Variants in YAP1 observed in about 807,000 individuals in gnomAD.
The protein encoded by YAP1 is Yes1 associated transcriptional regulator.
A neutral mutation model predicts 56.9 loss-of-function variants in YAP1; 5 were observed. That is an observed-to-expected ratio of 0.09 (90% confidence interval 0.05 to 0.18). YAP1 has a LOEUF of 0.18. YAP1 is among the 10% of genes least tolerant of loss of function. The pLI is 1.00. For missense variants in YAP1, 539 were observed against 651.8 expected (o/e 0.83, Z 1.88); for synonymous variants, 265 against 248.1 (o/e 1.07, Z -0.64).
intron 2 of YAP1, among the ~76,000 whole-genome samples, chr11:102,119,286 A>G (rs1044297836): frequency 1.3e-5 from 2 of 152,162 alleles, no homozygotes; most frequent in Admixed American, 6.6e-5. Flanking sequence ...TAGATGTGAC[A>G]GAGTAAATAG....
At chr11:102,173,688 G>A (rs368007732) in intron 3 of YAP1, among the ~76,000 whole-genome samples, 33 of 152,196 alleles carry the variant, frequency 2.2e-4, no homozygotes, top group African/African-American at 7.2e-4. Flanking sequence ...AAGGTTAGAA[G>A]GCTAATAAAT....
intron 3 of YAP1, among the ~76,000 whole-genome samples, chr11:102,184,008 C>T (rs946720992): frequency 6.9e-6 from 1 of 144,342 alleles, no homozygotes; most frequent in Admixed American, 7.2e-5. Flanking sequence ...ACCCGGGAGG[C>T]GGAGCTTGCA....
intron 3 of YAP1, among the ~76,000 whole-genome samples, chr11:102,183,398 G>C (rs1947748296): frequency 6.6e-6 from 1 of 151,826 alleles, no homozygotes; most frequent in South Asian, 2.1e-4. Context: ...TCTTTAGTAA[G>C]AATGAATGAC....
At chr11:102,122,895 CAAAAAA>C (rs56934997) in intron 2 of YAP1, among the ~76,000 whole-genome samples, 2 of 79,446 alleles carry the variant, frequency 2.5e-5, no homozygotes, top group Non-Finnish European at 4.8e-5. Flanking sequence ...AGACTTCTCT[CAAAAAA>C]AAAAAAAAAA....
Position 102,110,814 on chromosome 11 carries a change from G to A in YAP1, c.-35G>A. On this transcript the variant is annotated 5_prime_UTR_variant, in exon 1 of 9. Coordinates refer to ENST00000282441, the MANE Select transcript of YAP1 (RefSeq NM_001130145.3). ...GTCCGGGCGTAGCCCTCGCTCGCCT[G>A]GGTCAGGGGGTGCGCGTCGGGGGAG... 7.5e-7 allele frequency: 1 copy of A among 1,336,152 alleles called. No individual in the cohort carries two copies. Among genetic ancestry groups the A allele is most frequent in the Non-Finnish European group, 9.5e-7 (1 of 1,048,062 alleles). The allele number at this position is 1,336,152 out of a possible 1,614,324, so 82.8% of individuals were successfully genotyped here.
chr11:102,131,008 C>G (rs1565438874), intron 2 of YAP1, among the ~76,000 whole-genome samples: 1 of 152,132 alleles, frequency 6.6e-6, no homozygotes, highest in Non-Finnish European at 1.5e-5. Flanking sequence ...AAACCATGCC[C>G]TCTTTGTACC....
chr11:102,229,756 A>G lies in YAP1; in HGVS notation c.1331A>G (p.Tyr444Cys), dbSNP rs1950372226. Residue 444 changes from tyrosine (Y) to cysteine (C), a missense_variant, in exon 9 of 9, where the codon TAC becomes TGC. Physicochemically the swap from Tyr to Cys is radical, Grantham distance 194. Around this residue, in one of 4 missense-constraint regions of YAP1, gnomAD observed 414 missense variants for 512.4 expected, o/e 0.81. Transcript: ENST00000282441. The part of the protein sequence containing the change: ...LPSQQNRFPD[Y>C]LEAIPGTNVD... ...TCACAGCAGAACCGTTTCCCAGACT[A>G]CCTTGAAGCCATTCCTGGGACAAAT... is the stretch of plus-strand genomic sequence containing the variant. 6.2e-7 allele frequency: 1 copy of G among 1,614,126 alleles called. No homozygotes were observed. Among genetic ancestry groups the G allele is most frequent in the East Asian group, 2.2e-5 (1 of 44,882 alleles).
chr11:102,112,425 C>CTTTTTTTTTTTTTTTTTTTTTTTTTTTTT (rs751339753), intron 1 of YAP1: 32 of 704,130 alleles, frequency 4.5e-5, no homozygotes, highest in East Asian at 3.1e-4. Context: ...ATTTCTTCTT[C>CTTTTTTTTTTTTTTTTTTTTTTTTTTTTT]TTTTTTTTTT....
chr11:102,198,994 G>A (rs1285747397), intron 4 of YAP1, among the ~76,000 whole-genome samples: 2 of 152,188 alleles, frequency 1.3e-5, no homozygotes, highest in Non-Finnish European at 2.9e-5. Flanking sequence ...AAAATAGGAG[G>A]AGGGAGAGAG....
At position 102,110,645 on chromosome 11, in the gene YAP1, G is replaced by A. The variant is rs1394352350; in HGVS notation, c.-204G>A. 1.3e-5 allele frequency: 4 copies of A among 300,770 alleles called. No individual in the cohort carries two copies. Among genetic ancestry groups the A allele is most frequent in the Non-Finnish European group, 2.2e-5 (4 of 179,616 alleles). The allele number at this position is 300,770 out of a possible 1,614,324, so 18.6% of individuals were successfully genotyped here. On this transcript the variant is annotated 5_prime_UTR_variant, in exon 1 of 9. Transcript: ENST00000282441. Reference sequence around the variant, plus strand: ...CCCGAGGCGCAGCCGCCAGACCAGTGGAGCCGGGGCGCAGGGCGGGGGCGG... The same window carrying A: ...CCCGAGGCGCAGCCGCCAGACCAGTAGAGCCGGGGCGCAGGGCGGGGGCGG...
At chr11:102,112,941 A>G (rs1372270348) in intron 1 of YAP1, among the ~76,000 whole-genome samples, 1 of 152,234 alleles carries the variant, frequency 6.6e-6, no homozygotes, top group Non-Finnish European at 1.5e-5. Flanking sequence ...AATAATTTTT[A>G]CAAGAATTTA....
Position 102,186,128 on chromosome 11 carries a change from T to A in YAP1, c.799T>A (p.Phe267Ile). 1 of 1,611,422 alleles carries A rather than the reference T, an allele frequency of 6.2e-7. No homozygotes were observed. Among genetic ancestry groups the A allele is most frequent in the South Asian group, 1.1e-5 (1 of 90,404 alleles). The change falls in exon 4 of 9, where the codon TTT (phenylalanine) becomes ATT (isoleucine). Residue 267 changes from phenylalanine to isoleucine, a missense_variant. Phe to Ile is a conservative substitution (Grantham distance 21, BLOSUM62 0). Coordinates refer to ENST00000282441, the MANE Select transcript of YAP1 (RefSeq NM_001130145.3). ...SWLDPRLDPR[F>I]AMNQRISQSA... ...GCTAGACCCAAGGCTTGACCCTCGT[T>A]TTGGTAAAGGTTCATCTCAAAACCT... is the stretch of plus-strand genomic sequence containing the variant.
chr11:102,145,226 T>C (rs1373571824), intron 2 of YAP1, among the ~76,000 whole-genome samples: 3 of 152,212 alleles, frequency 2.0e-5, no homozygotes, highest in Non-Finnish European at 4.4e-5. Flanking sequence ...AGAATAGAAG[T>C]GCTCTGCCTA....
chr11:102,129,100 C>G (rs754339611), intron 2 of YAP1, among the ~76,000 whole-genome samples: 3 of 152,280 alleles, frequency 2.0e-5, no homozygotes, highest in Middle Eastern at 3.4e-3. Context: ...ATGCAGTATA[C>G]TGCATAAGTT....
chr11:102,120,690 G>T (rs901187980), intron 2 of YAP1, among the ~76,000 whole-genome samples: 4 of 152,162 alleles, frequency 2.6e-5, no homozygotes, highest in Non-Finnish European at 5.9e-5. Flanking sequence ...GAGGAGTTCT[G>T]TTTGTTTTTA....
chr11:102,138,493 G>A (rs1161403833), intron 2 of YAP1, among the ~76,000 whole-genome samples: 3 of 152,138 alleles, frequency 2.0e-5, no homozygotes, highest in Admixed American at 6.5e-5. Flanking sequence ...TCCAAAAGGG[G>A]GAAGGTGGAA....
At chr11:102,228,329 T>TA (rs1950293731) in intron 8 of YAP1, among the ~76,000 whole-genome samples, 1 of 152,156 alleles carries the variant, frequency 6.6e-6, no homozygotes, top group Non-Finnish European at 1.5e-5. Context: ...GGGGCTCACT[T>TA]ACTTTGTTAG....
intron 2 of YAP1, among the ~76,000 whole-genome samples, chr11:102,145,729 C>T (rs1404216590): frequency 2.0e-5 from 3 of 152,132 alleles, no homozygotes; most frequent in African/African-American, 7.2e-5. Context: ...ACATAGTGAG[C>T]TTCACAAGTT....
intron 2 of YAP1, among the ~76,000 whole-genome samples, chr11:102,122,788 G>A (rs1323712998): frequency 6.6e-6 from 1 of 151,458 alleles, no homozygotes; most frequent in African/African-American, 2.4e-5. Flanking sequence ...CAGCTACTTG[G>A]GAGGCAGAGG....
Sources: gnomAD v4.1 joint callset for allele counts (sites outside exome capture counted in the v4.1 genomes callset) on GRCh38, gnomAD v4.1.1 for gene constraint, gnomAD v4.1.1 regional missense constraint, MANE v1.5 for transcripts, NCBI Gene and HGNC (gene_info 2026-07-23, HGNC 2026-07-21) for gene names.